SPATS2: variants seen among roughly 807,000 people sequenced by gnomAD.
The protein encoded by SPATS2 is spermatogenesis associated serine rich 2.
A neutral mutation model predicts 63.7 loss-of-function variants in SPATS2; 38 were observed. That is an observed-to-expected ratio of 0.60 (90% confidence interval 0.46 to 0.78). SPATS2 has a LOEUF of 0.78. SPATS2 is among the 30% of genes least tolerant of loss of function. The pLI, the probability that SPATS2 is intolerant of heterozygous loss-of-function variation, is 0.00. For missense variants in SPATS2, 588 were observed against 666.2 expected, an observed-to-expected ratio of 0.88 and a Z score of 1.29; for synonymous variants, 207 against 232.9, an observed-to-expected ratio of 0.89 and a Z score of 1.01.
At chr12:49,475,758 A>G (rs966246764) in intron 3 of SPATS2, among the ~76,000 whole-genome samples, 1 of 152,182 alleles carries the variant, frequency 6.6e-6, no homozygotes, top group Non-Finnish European at 1.5e-5. Context: ...ACTTCTTAAG[A>G]ATCTGAAAGA....
chr12:49,379,556 A>G (rs1188798857), intron 2 of SPATS2, among the ~76,000 whole-genome samples: 1 of 149,916 alleles, frequency 6.7e-6, no homozygotes, highest in Non-Finnish European at 1.5e-5. Context: ...GTCTCAAAAA[A>G]AAAAAAAAAA....
intron 1 of SPATS2, among the ~76,000 whole-genome samples, chr12:49,369,316 C>T (rs1159123023): frequency 2.0e-5 from 3 of 151,976 alleles, no homozygotes; most frequent in Non-Finnish European, 4.4e-5. Context: ...CGTGAGCCAC[C>T]GCAGCCTAAT....
chr12:49,383,183 A>T (rs2137199995), intron 2 of SPATS2, among the ~76,000 whole-genome samples: 1 of 149,066 alleles, frequency 6.7e-6, no homozygotes, highest in African/African-American at 2.5e-5. Context: ...ATGCCTGGCT[A>T]ATGTTTTGTA....
intron 2 of SPATS2, among the ~76,000 whole-genome samples, chr12:49,437,951 T>TA (rs1364680013): frequency 2.0e-5 from 3 of 152,148 alleles, no homozygotes; most frequent in Non-Finnish European, 4.4e-5. Flanking sequence ...AGATTTTACA[T>TA]AAAAAAATTA....
chr12:49,449,705 T>A (rs569055017), intron 2 of SPATS2, among the ~76,000 whole-genome samples: 1 of 152,304 alleles, frequency 6.6e-6, no homozygotes, highest in East Asian at 1.9e-4. Context: ...AGAAAGTTTG[T>A]GCAGGGGAAC....
intron 2 of SPATS2, among the ~76,000 whole-genome samples, chr12:49,416,163 TTTGGGC>T (rs376479153): frequency 1.6e-4 from 24 of 152,260 alleles, no homozygotes; most frequent in African/African-American, 5.5e-4. Flanking sequence ...GGTTCTGATG[TTTGGGC>T]TTGGCTAGGC....
chr12:49,429,865 CCG>C (rs1945150066), intron 2 of SPATS2, among the ~76,000 whole-genome samples: 1 of 151,204 alleles, frequency 6.6e-6, no homozygotes, highest in Admixed American at 6.6e-5. Flanking sequence ...ACTGCAACCT[CCG>C]CCTCCTGGGT....
chr12:49,488,237 G>A lies in SPATS2; in HGVS notation c.106-1228G>A, dbSNP rs747668013. Among the ~76,000 whole-genome samples the A allele has an allele frequency of 5.3e-5, 8 of 151,802 alleles. No individual in the cohort carries two copies. In the East Asian group the frequency reaches 5.9e-4, roughly 11 times the overall value. On this transcript the variant is annotated intron_variant, in intron 4 of 13. Coordinates refer to ENST00000552918, the MANE Select transcript of SPATS2 (RefSeq NM_023071.4). ...TTTTTGTATTTTCAGTAGAGACGGC[G>A]TTTTTCCATGTTGGTCAGGCTGGTC...
chr12:49,436,981 G>A (rs978956385), intron 2 of SPATS2, among the ~76,000 whole-genome samples: 4 of 150,370 alleles, frequency 2.7e-5, no homozygotes, highest in Non-Finnish European at 4.4e-5. Context: ...CCTCCATTCC[G>A]GACTGGGGCG....
intron 12 of SPATS2, among the ~76,000 whole-genome samples, 178 bp from the exon 13 acceptor site, chr12:49,524,504 G>A (rs1419479515): frequency 1.3e-5 from 2 of 152,230 alleles, no homozygotes; most frequent in Non-Finnish European, 2.9e-5. Context: ...TTTGGAGGAA[G>A]TGGAGGAAGA....
intron 2 of SPATS2, among the ~76,000 whole-genome samples, chr12:49,401,310 T>C (rs943074910): frequency 1.3e-5 from 2 of 152,166 alleles, no homozygotes; most frequent in Admixed American, 1.3e-4. Flanking sequence ...TGCATCTGGC[T>C]CTTTTTTTCC....
intron 4 of SPATS2, among the ~76,000 whole-genome samples, chr12:49,487,011 C>A (rs962144253): frequency 2.0e-5 from 3 of 151,826 alleles, no homozygotes; most frequent in Admixed American, 2.0e-4. Context: ...TTTTTAGTTC[C>A]TAAAAACATT....
chr12:49,401,511 A>G (rs924449270), intron 2 of SPATS2, among the ~76,000 whole-genome samples: 1 of 152,002 alleles, frequency 6.6e-6, no homozygotes, highest in Non-Finnish European at 1.5e-5. Context: ...AACCATTTCT[A>G]CTTTTCCATA....
chr12:49,420,823 G>C (rs1188540132), intron 2 of SPATS2, among the ~76,000 whole-genome samples: 1 of 152,042 alleles, frequency 6.6e-6, no homozygotes, highest in Non-Finnish European at 1.5e-5. Flanking sequence ...GATCAGCCTA[G>C]TGAAACTCTG....
chr12:49,498,037 G>C (rs1403033101), intron 8 of SPATS2, among the ~76,000 whole-genome samples: 1 of 150,530 alleles, frequency 6.6e-6, no homozygotes, highest in Non-Finnish European at 1.5e-5. Flanking sequence ...TATTACACAT[G>C]AGCCAAATTT....
chr12:49,470,221 G>T (rs772018046), intron 3 of SPATS2, among the ~76,000 whole-genome samples: 3 of 151,934 alleles, frequency 2.0e-5, no homozygotes, highest in African/African-American at 7.3e-5. Flanking sequence ...TAGTAGAGAC[G>T]GGTTTTCATC....
intron 2 of SPATS2, among the ~76,000 whole-genome samples, chr12:49,451,428 ATG>A (rs1945621330): frequency 6.6e-6 from 1 of 152,054 alleles, no homozygotes; most frequent in Non-Finnish European, 1.5e-5. Flanking sequence ...AATTGTTTTC[ATG>A]TTTATTATAT....
intron 2 of SPATS2, among the ~76,000 whole-genome samples, chr12:49,432,514 G>A (rs962248086): frequency 1.3e-5 from 2 of 152,162 alleles, no homozygotes; most frequent in Non-Finnish European, 2.9e-5. Context: ...GGAGCGTTAA[G>A]TATATTCACA....
chr12:49,390,251 A>AT, intron 2 of SPATS2: 4 of 788,852 alleles, frequency 5.1e-6, no homozygotes, highest in Non-Finnish European at 5.9e-6. Flanking sequence ...TCAATCCATT[A>AT]TTTTTTTCTC....
Sources: gnomAD v4.1 joint callset for allele counts (sites outside exome capture counted in the v4.1 genomes callset) on GRCh38, gnomAD v4.1.1 for gene constraint, MANE v1.5 for transcripts, NCBI Gene and HGNC (gene_info 2026-07-23, HGNC 2026-07-21) for gene names.